Variants in EPB41L4A observed in about 807,000 individuals in gnomAD.
EPB41L4A encodes the protein band 4.1-like protein 4A.
A neutral mutation model predicts 108.6 loss-of-function variants in EPB41L4A; 100 were observed. That is an observed-to-expected ratio of 0.92 (90% CI 0.78 to 1.09). The LOEUF (loss-of-function observed/expected upper bound fraction) is 1.09, where lower values mean the gene tolerates loss of function less well. Ranked by LOEUF, EPB41L4A falls within the 50% of genes least tolerant of loss-of-function variation. The pLI is 0.00. For missense variants in EPB41L4A, 1,030 were observed against 842.7 expected (o/e 1.22, Z -2.75); for synonymous variants, 319 against 289.0 (o/e 1.10, Z -1.05).
intron 9 of EPB41L4A, among the ~76,000 whole-genome samples, chr5:112,246,049 C>T (rs1417598868): frequency 6.6e-6 from 1 of 152,140 alleles, no homozygotes; most frequent in African/African-American, 2.4e-5. Context: ...AAAGTGTTTT[C>T]CTTAGCAGCA....
At chr5:112,287,702 G>A (rs1399994384) in intron 2 of EPB41L4A, among the ~76,000 whole-genome samples, 1 of 152,170 alleles carries the variant, frequency 6.6e-6, no homozygotes, top group African/African-American at 2.4e-5. Context: ...GTAGCAAGAA[G>A]GACCTTAAGG....
chr5:112,144,948 T>C (rs568350788), intron 13 of EPB41L4A, among the ~76,000 whole-genome samples: 34 of 152,296 alleles, frequency 2.2e-4, no homozygotes, highest in African/African-American at 7.0e-4. Context: ...GCCACACTTT[T>C]TAATCAATGA....
chr5:112,244,033 C>A (rs1750018206), intron 9 of EPB41L4A, among the ~76,000 whole-genome samples: 2 of 152,356 alleles, frequency 1.3e-5, no homozygotes, highest in Non-Finnish European at 2.9e-5. Context: ...TTCAGCCTAT[C>A]TCACCCTTTA....
In EPB41L4A at chr5:112,334,069, T is replaced by C. The variant is rs527307827; in HGVS notation, c.100-26579A>G. ...GTGAGGGCAGTCAGACAGTCAGATGTGCCTTATTATACGCTCCTCCCTTTG... is the reference window on the plus strand; with the variant it reads ...GTGAGGGCAGTCAGACAGTCAGATGCGCCTTATTATACGCTCCTCCCTTTG... On this transcript the variant is annotated intron_variant, in intron 1 of 22. Transcript: ENST00000261486. Among the ~76,000 whole-genome samples, 5 of 152,244 alleles carry C rather than the reference T, an allele frequency of 3.3e-5. No individual in the cohort carries two copies. The South Asian group carries it at 1.0e-3, about 32-fold the overall frequency.
intron 4 of EPB41L4A, among the ~76,000 whole-genome samples, chr5:112,268,467 C>T (rs1360233260): frequency 2.6e-5 from 4 of 152,146 alleles, no homozygotes; most frequent in Non-Finnish European, 5.9e-5. Context: ...CATTTTACTA[C>T]ACCCTCCTCC....
At chr5:112,270,429 G>A (rs370518071) in intron 4 of EPB41L4A, among the ~76,000 whole-genome samples, 2 of 152,134 alleles carry the variant, frequency 1.3e-5, no homozygotes, top group African/African-American at 4.8e-5. Flanking sequence ...ACTTAAATAT[G>A]AGAGTCAAAG....
In EPB41L4A at chr5:112,170,314, AT is replaced by A. The variant is rs751685149; in HGVS notation, c.1725del (p.Tyr576ThrfsTer4). Reference sequence around the variant, plus strand: ...AAAGGCACTCACTCTATTTTAGTGTATGGAATCTCTTTTAATTGTTCTTCGG... The same window carrying A: ...AAAGGCACTCACTCTATTTTAGTGTAGGAATCTCTTTTAATTGTTCTTCGG... Reference protein sequence around the residue: ...GLSEEQLKEIPYTKIETQGDP... With the variant: ...GLSEEQLKEIXYTKIETQGDP... On this transcript the variant is annotated frameshift_variant, in exon 20 of 23. Coordinates refer to ENST00000261486, the MANE Select transcript of EPB41L4A (RefSeq NM_022140.5). LOFTEE classifies it high-confidence loss of function. 6.2e-7 allele frequency: 1 copy of A among 1,613,504 alleles called. No homozygotes were observed. Among genetic ancestry groups the A allele is most frequent in the South Asian group, 1.1e-5 (1 of 90,998 alleles).
intron 1 of EPB41L4A, among the ~76,000 whole-genome samples, chr5:112,368,654 C>G (rs1382526870): frequency 6.6e-6 from 1 of 152,144 alleles, no homozygotes; most frequent in East Asian, 1.9e-4. Flanking sequence ...TTTCTTGGAG[C>G]TGCCACATCC....
chr5:112,172,647 C>T (rs1294612439), intron 18 of EPB41L4A, among the ~76,000 whole-genome samples: 5 of 152,112 alleles, frequency 3.3e-5, no homozygotes, highest in Non-Finnish European at 7.3e-5. Context: ...TTAAATGATA[C>T]TGTCAGAGAA....
chr5:112,234,741 A>C lies in EPB41L4A; in HGVS notation c.980T>G (p.Leu327Trp). The part of the protein sequence containing the change: ...YKHRYSGRTA[L>W]QMSRDLSIQL... ...AATAGAAAGATCTCGGCTCATTTGCAAAGCTGTCCTGCCACTTGAGAGTGC... is the reference window on the plus strand; with the variant it reads ...AATAGAAAGATCTCGGCTCATTTGCCAAGCTGTCCTGCCACTTGAGAGTGC... The change falls in exon 12 of 23, where the codon TTG becomes TGG. Residue 327 changes from leucine (L) to tryptophan (W), a missense_variant. By Grantham distance (61) the Leu-to-Trp change is moderately conservative. Transcript: ENST00000261486. 1 of 1,610,944 alleles carries C rather than the reference A, an allele frequency of 6.2e-7. No homozygotes were observed. Among genetic ancestry groups the C allele is most frequent in the Middle Eastern group, 1.7e-4 (1 of 6,046 alleles).
At chr5:112,344,070 TA>T (rs1168872990) in intron 1 of EPB41L4A, among the ~76,000 whole-genome samples, 1 of 152,080 alleles carries the variant, frequency 6.6e-6, no homozygotes, top group Non-Finnish European at 1.5e-5. Context: ...CAATCTCCTT[TA>T]AAAAATTGAT....
chr5:112,352,728 T>C (rs1237104443), intron 1 of EPB41L4A, among the ~76,000 whole-genome samples: 1 of 152,238 alleles, frequency 6.6e-6, no homozygotes, highest in African/African-American at 2.4e-5. Context: ...GCTGTAGTTG[T>C]AGTTGTTAAA....
intron 1 of EPB41L4A, among the ~76,000 whole-genome samples, chr5:112,335,459 C>T (rs1334651358): frequency 2.6e-5 from 4 of 152,216 alleles, no homozygotes; most frequent in African/African-American, 9.6e-5. Context: ...TGAGAAAAAG[C>T]AGTCCAGTAG....
At chr5:112,260,800 A>G (rs992807546) in intron 7 of EPB41L4A, among the ~76,000 whole-genome samples, 19 of 152,210 alleles carry the variant, frequency 1.2e-4, no homozygotes, top group Non-Finnish European at 2.8e-4. Context: ...TCTAAGATAA[A>G]TGGTAACCTG....
chr5:112,256,520 A>T, intron 9 of EPB41L4A, among the ~76,000 whole-genome samples: 1 of 152,324 alleles, frequency 6.6e-6, no homozygotes, highest in African/African-American at 2.4e-5. Context: ...ATAAAATTCC[A>T]CAGCTTTCAA....
At chr5:112,150,794 T>C (rs1759435162) in intron 12 of EPB41L4A, among the ~76,000 whole-genome samples, 1 of 152,226 alleles carries the variant, frequency 6.6e-6, no homozygotes, top group African/African-American at 2.4e-5. Flanking sequence ...AAGTAATAGT[T>C]TCAAAGTGCT....
At position 112,280,273 on chromosome 5, in the gene EPB41L4A, G is replaced by T. The variant is rs772126180; in HGVS notation, c.255C>A (p.Asn85Lys). 7 of 1,613,516 alleles carry T rather than the reference G, an allele frequency of 4.3e-6. No homozygotes were observed. The highest frequency in any genetic ancestry group is 5.9e-6 in the Non-Finnish European group (7 of 1,179,576). ...ACAAAGTAAAAGCTAAATACCTACT[G>T]TTGATCAGTTCTTTGTGTTCAGCAA... Reference protein sequence around the residue: ...KTLAEHKELINTGPPYTLYFG... With the variant: ...KTLAEHKELIKTGPPYTLYFG... The change falls in exon 3 of 23, where the codon AAC becomes AAA. Residue 85 changes from asparagine (N) to lysine (K), a missense_variant and splice_region_variant. Physicochemically the swap from Asn to Lys is moderately conservative, Grantham distance 94. Transcript: ENST00000261486.
At chr5:112,284,144 A>G (rs1405171423) in intron 2 of EPB41L4A, among the ~76,000 whole-genome samples, 1 of 152,170 alleles carries the variant, frequency 6.6e-6, no homozygotes, top group East Asian at 1.9e-4. Context: ...TAAGCAATCA[A>G]TATTCATGGA....
chr5:112,233,729 T>A (rs1749126227), intron 12 of EPB41L4A, among the ~76,000 whole-genome samples: 1 of 152,216 alleles, frequency 6.6e-6, no homozygotes, highest in South Asian at 2.1e-4. Flanking sequence ...TTTTGTTGTT[T>A]GTTTGTTTTT....
Sources: gnomAD v4.1 joint callset for allele counts (sites outside exome capture counted in the v4.1 genomes callset) on GRCh38, gnomAD v4.1.1 for gene constraint, MANE v1.5 for transcripts, NCBI Gene and HGNC (gene_info 2026-07-23, HGNC 2026-07-21) for gene names.